Variants in RBPJ observed in about 807,000 individuals in gnomAD.
The protein encoded by RBPJ is recombining binding protein suppressor of hairless.
In RBPJ, 9 loss-of-function variants were observed where a neutral mutation model predicts 67.8. The observed-to-expected ratio is 0.13, with a 90% confidence interval of 0.08 to 0.23. The LOEUF is 0.23. Ranked by LOEUF, RBPJ falls within the 10% of genes least tolerant of loss-of-function variation. The pLI, the probability that RBPJ is intolerant of heterozygous loss-of-function variation, is 1.00. For synonymous variants in RBPJ, 198 were observed against 203.3 expected, an observed-to-expected ratio of 0.97 and a Z score of 0.22; for missense variants, 305 against 595.6, an observed-to-expected ratio of 0.51 and a Z score of 5.08.
At chr4:26,244,252 C>T (rs1410832140) in intron 1 of RBPJ, among the ~76,000 whole-genome samples, 2 of 1,414 alleles carry the variant, frequency 1.4e-3, no homozygotes, top group Admixed American at 6.7e-3. Context: ...TATGTGTACA[C>T]ATACACATAT....
intron 1 of RBPJ, among the ~76,000 whole-genome samples, chr4:26,202,614 T>C (rs1268756012): frequency 2.0e-5 from 3 of 151,970 alleles, no homozygotes; most frequent in Non-Finnish European, 4.4e-5. Context: ...TTTTTAGAAA[T>C]ATAATTTCTC....
the RBPJ span, among the ~76,000 whole-genome samples, chr4:26,124,427 T>C: frequency 2.2e-5 from 1 of 46,230 alleles, no homozygotes; most frequent in Non-Finnish European, 5.5e-5. Flanking sequence ...TATATATATA[T>C]ATATATATAT....
intron 1 of RBPJ, among the ~76,000 whole-genome samples, chr4:26,231,237 G>T (rs928464541): frequency 6.6e-6 from 1 of 152,148 alleles, no homozygotes; most frequent in African/African-American, 2.4e-5. Context: ...TACTTTAAAT[G>T]GAATTAAACA....
intron 1 of RBPJ, among the ~76,000 whole-genome samples, chr4:26,333,592 G>C (rs1175305602): frequency 6.6e-6 from 1 of 151,856 alleles, no homozygotes; most frequent in Non-Finnish European, 1.5e-5. Flanking sequence ...GTCTCACTCT[G>C]TTACCCAGGC....
chr4:26,201,773 A>G (rs1391993335), intron 1 of RBPJ, among the ~76,000 whole-genome samples: 3 of 152,216 alleles, frequency 2.0e-5, no homozygotes, highest in Non-Finnish European at 4.4e-5. Context: ...TCCACTCAAA[A>G]GAGCCAAGAG....
the RBPJ span, among the ~76,000 whole-genome samples, chr4:26,133,704 G>A: frequency 6.6e-6 from 1 of 152,086 alleles, no homozygotes; most frequent in Non-Finnish European, 1.5e-5. Flanking sequence ...AGTGCCTGAT[G>A]ATCTGAGGTG....
chr4:26,244,633 C>A (rs1435315930), intron 1 of RBPJ, among the ~76,000 whole-genome samples: 1 of 151,730 alleles, frequency 6.6e-6, no homozygotes, highest in East Asian at 1.9e-4. Context: ...ATTTTAATTT[C>A]TTTCTTTCTT....
At chr4:26,227,536 T>A (rs1256780935) in intron 1 of RBPJ, among the ~76,000 whole-genome samples, 2 of 152,012 alleles carry the variant, frequency 1.3e-5, no homozygotes, top group African/African-American at 4.8e-5. Flanking sequence ...TATATGAAGA[T>A]CTAAGTGAGG....
intron 1 of RBPJ, among the ~76,000 whole-genome samples, chr4:26,202,990 G>GAAGA (rs1560208753): frequency 6.9e-6 from 1 of 144,854 alleles, no homozygotes; most frequent in Non-Finnish European, 1.5e-5. Context: ...AGGAAGGAAG[G>GAAGA]AAGGAAGGAA....
rs34568281 is a variant in RBPJ, at chr4:26,206,751, CAA to C, written c.-167+43155_-167+43156del. 8.4e-3 allele frequency among the ~76,000 whole-genome samples: 1,096 copies of C among 130,898 alleles called. 1 individual carries two copies. The highest frequency in any genetic ancestry group is 0.011 in the African/African-American group (393 of 35,600). 85.9% of individuals were successfully genotyped at this position (130,898 alleles called of 152,430 possible). On this transcript the variant is annotated intron_variant, in intron 1 of 4. Transcript: ENST00000512351. Reference sequence around the variant, plus strand: ...TAAAAACGAAAGGCTTTCATACCCTCAAAAAAAAAAAAAAAAAAATCCTGGCC... The same window carrying C: ...TAAAAACGAAAGGCTTTCATACCCTCAAAAAAAAAAAAAAAAATCCTGGCC...
chr4:26,344,439 G>A (rs1200089765), intron 1 of RBPJ, among the ~76,000 whole-genome samples: 1 of 151,296 alleles, frequency 6.6e-6, no homozygotes, highest in Non-Finnish European at 1.5e-5. Flanking sequence ...GTTTCACCAT[G>A]TTGGCCAGGA....
the RBPJ span, among the ~76,000 whole-genome samples, chr4:26,156,679 T>C: frequency 6.6e-6 from 1 of 152,074 alleles, no homozygotes; most frequent in African/African-American, 2.4e-5. Flanking sequence ...GGTCTTGAAC[T>C]CCTGACCTCC....
the RBPJ span, among the ~76,000 whole-genome samples, chr4:26,116,499 C>T: frequency 3.3e-5 from 5 of 152,172 alleles, no homozygotes; most frequent in African/African-American, 9.7e-5. Context: ...CTTCAAAGTC[C>T]GCCCAGCAGT....
intron 1 of RBPJ, among the ~76,000 whole-genome samples, chr4:26,325,768 C>T (rs1235513138): frequency 2.0e-5 from 3 of 152,154 alleles, no homozygotes; most frequent in African/African-American, 7.2e-5. Context: ...AGTATTTTGA[C>T]ATCTCTGCAT....
chr4:26,426,364 C>T (rs976993019), intron 7 of RBPJ, among the ~76,000 whole-genome samples: 2 of 152,098 alleles, frequency 1.3e-5, no homozygotes, highest in African/African-American at 4.8e-5. Context: ...TGTAAAGTAC[C>T]AGTAGCCTGC....
At chr4:26,119,274 C>A in the RBPJ span, among the ~76,000 whole-genome samples, 1 of 152,138 alleles carries the variant, frequency 6.6e-6, no homozygotes, top group Non-Finnish European at 1.5e-5. Flanking sequence ...ACAATAAAAA[C>A]CTCTGTCTTC....
intron 4 of RBPJ, among the ~76,000 whole-genome samples, chr4:26,419,041 G>A (rs1353675099): frequency 1.3e-5 from 2 of 152,104 alleles, no homozygotes; most frequent in African/African-American, 4.8e-5. Context: ...TGCGGTGGTG[G>A]GATCACGGCC....
At chr4:26,194,169 C>G (rs1717670010) in intron 1 of RBPJ, among the ~76,000 whole-genome samples, 1 of 152,222 alleles carries the variant, frequency 6.6e-6, no homozygotes, top group South Asian at 2.1e-4. Flanking sequence ...CCTATGTCAT[C>G]TATGTCTAAT....
chr4:26,194,341 C>T (rs2109145098), intron 1 of RBPJ, among the ~76,000 whole-genome samples: 1 of 152,310 alleles, frequency 6.6e-6, no homozygotes, highest in East Asian at 1.9e-4. Flanking sequence ...CAGATATAAA[C>T]ATGCACATGA....
Sources: gnomAD v4.1 joint callset for allele counts (sites outside exome capture counted in the v4.1 genomes callset) on GRCh38, gnomAD v4.1.1 for gene constraint, MANE v1.5 for transcripts, NCBI Gene and HGNC (gene_info 2026-07-23, HGNC 2026-07-21) for gene names.